The following IKZF3 variants were observed in gnomAD, a reference collection of about 807,000 sequenced individuals.
IKZF3 encodes IKAROS family zinc finger 3.
Under a neutral mutation model 49.0 loss-of-function variants are expected in IKZF3, and 10 were observed. The ratio of observed to expected loss-of-function variants is 0.20; its 90% CI spans 0.13 to 0.35. IKZF3 has a LOEUF of 0.35. IKZF3 is among the 10% of genes least tolerant of loss of function. IKZF3 has a pLI of 1.00. For synonymous variants in IKZF3, 209 were observed against 228.2 expected, an observed-to-expected ratio of 0.92 and a Z score of 0.76; for missense variants, 498 against 664.8, an observed-to-expected ratio of 0.75 and a Z score of 2.76.
chr17:39,825,393 G>T (rs1262159466), intron 3 of IKZF3, among the ~76,000 whole-genome samples: 4 of 152,204 alleles, frequency 2.6e-5, no homozygotes, highest in Non-Finnish European at 5.9e-5. Flanking sequence ...ACCAGTGTTG[G>T]TCAGGAGGCA....
intron 7 of IKZF3, among the ~76,000 whole-genome samples, chr17:39,771,174 C>T (rs748297257): frequency 4.8e-4 from 73 of 152,180 alleles, no homozygotes; most frequent in Admixed American, 1.1e-3. Flanking sequence ...GCTGCACAGC[C>T]CCACCACCAG....
At chr17:39,844,470 A>G (rs992433160) in intron 1 of IKZF3, among the ~76,000 whole-genome samples, 1 of 152,160 alleles carries the variant, frequency 6.6e-6, no homozygotes, top group Non-Finnish European at 1.5e-5. Flanking sequence ...TCATTCAAGT[A>G]TCTGCTTAAA....
intron 1 of IKZF3, among the ~76,000 whole-genome samples, chr17:39,852,030 T>C (rs1023886745): frequency 6.6e-6 from 1 of 152,216 alleles, no homozygotes; most frequent in Non-Finnish European, 1.5e-5. Flanking sequence ...TTTATTTACA[T>C]GTCATGCATA....
At chr17:39,778,510 A>T (rs781655498) in intron 6 of IKZF3, among the ~76,000 whole-genome samples, 1 of 152,338 alleles carries the variant, frequency 6.6e-6, no homozygotes, top group East Asian at 1.9e-4. Flanking sequence ...TGTGAATAAA[A>T]ACTGCCTATG....
intron 3 of IKZF3, among the ~76,000 whole-genome samples, chr17:39,802,426 G>A (rs2061343352): frequency 6.6e-6 from 1 of 151,300 alleles, no homozygotes; most frequent in African/African-American, 2.4e-5. Flanking sequence ...AGGCAACAAA[G>A]TAAGACCCTG....
chr17:39,824,065 C>T (rs1190375566), intron 3 of IKZF3, among the ~76,000 whole-genome samples: 4 of 152,164 alleles, frequency 2.6e-5, no homozygotes, highest in East Asian at 1.9e-4. Context: ...AACGCCAGCC[C>T]GTGAAAGCAG....
chr17:39,844,960 T>C (rs1412510167), intron 1 of IKZF3, among the ~76,000 whole-genome samples: 1 of 152,116 alleles, frequency 6.6e-6, no homozygotes, highest in Non-Finnish European at 1.5e-5. Context: ...ATGTTGTCTG[T>C]TTTGTATTGC....
chr17:39,769,265 A>C (rs921700487), intron 7 of IKZF3, among the ~76,000 whole-genome samples: 2 of 152,212 alleles, frequency 1.3e-5, no homozygotes, highest in Admixed American at 1.3e-4. Context: ...GTTTGTGGTT[A>C]ACGTAACAGC....
intron 1 of IKZF3, among the ~76,000 whole-genome samples, chr17:39,854,482 G>T (rs529106003): frequency 3.3e-5 from 5 of 152,112 alleles, no homozygotes; most frequent in Non-Finnish European, 7.4e-5. Context: ...ATAAATTTGA[G>T]TGTACTAAAA....
intron 6 of IKZF3, among the ~76,000 whole-genome samples, chr17:39,780,522 C>T: frequency 6.6e-6 from 1 of 151,740 alleles, no homozygotes; most frequent in African/African-American, 2.4e-5. Context: ...AGCCACCATG[C>T]CTGGCTAATT....
At chr17:39,825,251 A>T (rs979961695) in intron 3 of IKZF3, among the ~76,000 whole-genome samples, 2 of 152,218 alleles carry the variant, frequency 1.3e-5, no homozygotes, top group Non-Finnish European at 2.9e-5. Context: ...AAGAATGTAC[A>T]TGTCAGATAT....
intron 3 of IKZF3, among the ~76,000 whole-genome samples, chr17:39,803,513 T>A (rs114270528): frequency 1.3e-5 from 2 of 150,822 alleles, no homozygotes; most frequent in Non-Finnish European, 2.9e-5. Context: ...ATTCACTCTA[T>A]CTTTTTTTTT....
intron 1 of IKZF3, among the ~76,000 whole-genome samples, chr17:39,846,578 T>G (rs1208601968): frequency 6.7e-6 from 1 of 149,502 alleles, no homozygotes; most frequent in African/African-American, 2.5e-5. Flanking sequence ...AACTTGGAAA[T>G]GGCAGGAGTC....
chr17:39,778,750 G>A (rs1165758708), intron 6 of IKZF3, among the ~76,000 whole-genome samples: 2 of 152,218 alleles, frequency 1.3e-5, no homozygotes, highest in African/African-American at 2.4e-5. Flanking sequence ...GCAGTGAGCC[G>A]AGATGGCGCC....
Position 39,758,366 on chromosome 17 carries a change from A to G in IKZF3, c.*7424T>C, listed in dbSNP as rs913410812. ...AAAAGGGCCTTGTCTGCTAGCCTGG[A>G]GTATACATGAGTCACTGGCGGTGGG... is the stretch of plus-strand genomic sequence containing the variant. On this transcript the variant is annotated 3_prime_UTR_variant, in exon 8 of 8. Transcript: ENST00000346872. 1 of 152,276 alleles carries G rather than the reference A, an allele frequency of 6.6e-6. No homozygotes were observed. The highest frequency in any genetic ancestry group is 1.9e-4 in the East Asian group (1 of 5,174). 9.4% of individuals were successfully genotyped at this position (152,276 alleles called of 1,614,324 possible).
intron 3 of IKZF3, among the ~76,000 whole-genome samples, chr17:39,802,847 T>C (rs1377495242): frequency 4.7e-5 from 7 of 149,494 alleles, no homozygotes; most frequent in African/African-American, 1.7e-4. Context: ...AAAAAGAATC[T>C]AAACTGGCCA....
At chr17:39,810,714 C>T (rs1055631164) in intron 3 of IKZF3, among the ~76,000 whole-genome samples, 1 of 151,396 alleles carries the variant, frequency 6.6e-6, no homozygotes, top group East Asian at 1.9e-4. Context: ...ATTAGCATTA[C>T]AATTATTAAC....
At chr17:39,813,281 C>T (rs2061603577) in intron 3 of IKZF3, among the ~76,000 whole-genome samples, 1 of 149,778 alleles carries the variant, frequency 6.7e-6, no homozygotes, top group African/African-American at 2.5e-5. Flanking sequence ...TTTTAGTTTG[C>T]TGTGCTACGC....
intron 6 of IKZF3, among the ~76,000 whole-genome samples, chr17:39,779,557 C>T (rs529826831): frequency 6.6e-5 from 10 of 151,940 alleles, no homozygotes; most frequent in Non-Finnish European, 1.0e-4. Flanking sequence ...TAGCCTGAAC[C>T]AGGGATCAGC....
Sources: gnomAD v4.1 joint callset for allele counts (sites outside exome capture counted in the v4.1 genomes callset) on GRCh38, gnomAD v4.1.1 for gene constraint, MANE v1.5 for transcripts, NCBI Gene and HGNC (gene_info 2026-07-23, HGNC 2026-07-21) for gene names.